THSD7A: variants seen among roughly 807,000 people sequenced by gnomAD.
THSD7A encodes the protein thrombospondin type 1 domain containing 7A, also known as thrombospondin type-1 domain-containing protein 7A.
THSD7A carries 96 observed loss-of-function variants against 231.3 expected under a neutral mutation model. The observed-to-expected ratio is 0.41, with a 90% CI of 0.35 to 0.49. The LOEUF (loss-of-function observed/expected upper bound fraction) is 0.49, where lower values mean the gene tolerates loss of function less well. THSD7A is among the 20% of genes least tolerant of loss of function. The pLI is 0.05. For synonymous variants in THSD7A, 940 were observed against 743.3 expected (o/e 1.26, Z -4.30); for missense variants, 2,290 against 2,070.2 (o/e 1.11, Z -2.06).
Position 11,822,857 on chromosome 7 carries a change from C to A in THSD7A, c.190+8900G>T, listed in dbSNP as rs548149801. On this transcript the variant is annotated intron_variant, in intron 1 of 27. Transcript: ENST00000423059. ...CTAGTATACTCTAGATATTAGTCTC[C>A]TGATGGATGAATAGTTAGCAAATAT... Among the ~76,000 whole-genome samples the A allele has an allele frequency of 4.6e-5, 7 of 151,982 alleles. No homozygotes were observed. The East Asian group carries it at 1.4e-3, about 29-fold the overall frequency.
rs1407937925 is a variant in THSD7A, at chr7:11,446,149, C to T, written c.2976G>A (p.Lys992=). The T allele has an allele frequency of 1.2e-6, 2 of 1,613,400 alleles. No individual in the cohort carries two copies. The highest frequency in any genetic ancestry group is 2.7e-5 in the African/African-American group (2 of 74,866). The change falls in exon 13 of 28, where the codon AAG becomes AAA. Residue 992 remains lysine, a synonymous_variant. Transcript: ENST00000423059. This position sits in a 1 kb window ranked among gnomAD's most constrained non-coding sequence, Gnocchi z 4.0. ...LLGMKVQGDI[K]ECGQGYRYQA... is the part of the protein sequence containing the mutation. ...GGTAACGATATCCTTGTCCGCATTC[C>T]TTGATGTCTCCTTGTACTTTCATTC...
At chr7:11,631,137 C>G (rs1781637599) in intron 2 of THSD7A, among the ~76,000 whole-genome samples, 1 of 152,176 alleles carries the variant, frequency 6.6e-6, no homozygotes, top group African/African-American at 2.4e-5. Context: ...TTGGGATAAT[C>G]CAATAAGAAG....
chr7:11,418,691 ATGCAGTGC>A (rs1784040561), intron 16 of THSD7A, among the ~76,000 whole-genome samples: 1 of 152,196 alleles, frequency 6.6e-6, no homozygotes, highest in South Asian at 2.1e-4. Context: ...TCACCTTGCT[ATGCAGTGC>A]TGCTGAACTT....
chr7:11,597,923 T>A (rs1376363857), intron 2 of THSD7A, among the ~76,000 whole-genome samples: 6 of 152,166 alleles, frequency 3.9e-5, no homozygotes, highest in Non-Finnish European at 7.3e-5. Flanking sequence ...CCTGTACCGA[T>A]GGCCTCATGG....
chr7:11,694,329 G>T (rs924384485), intron 1 of THSD7A, among the ~76,000 whole-genome samples: 2 of 151,526 alleles, frequency 1.3e-5, no homozygotes, highest in Non-Finnish European at 1.5e-5. Context: ...AGAAGCCACA[G>T]TTGGGCCTGC....
chr7:11,430,142 G>A (rs1018358419), intron 13 of THSD7A, among the ~76,000 whole-genome samples: 6 of 152,110 alleles, frequency 3.9e-5, no homozygotes, highest in Non-Finnish European at 7.4e-5. Flanking sequence ...GCAGAGATTC[G>A]ATTTTGACAA....
intron 13 of THSD7A, among the ~76,000 whole-genome samples, chr7:11,437,745 G>A (rs935846439): frequency 6.6e-6 from 1 of 151,892 alleles, no homozygotes; most frequent in Non-Finnish European, 1.5e-5. Flanking sequence ...ACTATGATAA[G>A]GAACAATTTC....
intron 1 of THSD7A, among the ~76,000 whole-genome samples, chr7:11,776,812 C>T (rs12056088): frequency 0.029 from 4,340 of 152,150 alleles, 79 homozygotes; most frequent in East Asian, 0.11. Flanking sequence ...AGTTTGAAGG[C>T]ATTCTATAGG....
At chr7:11,812,463 T>C (rs1371007400) in intron 1 of THSD7A, among the ~76,000 whole-genome samples, 1 of 152,108 alleles carries the variant, frequency 6.6e-6, no homozygotes, top group Non-Finnish European at 1.5e-5. Flanking sequence ...ATTGTTTAGA[T>C]AAAATACGTT....
chr7:11,564,100 G>C (rs7780750), intron 4 of THSD7A, among the ~76,000 whole-genome samples: 86,410 of 151,912 alleles, frequency 0.57, 24,842 homozygotes, highest in Middle Eastern at 0.67. Flanking sequence ...GTTTACAATC[G>C]AGTGAAAGAT....
chr7:11,526,668 G>T (rs1480639236), intron 6 of THSD7A, among the ~76,000 whole-genome samples: 1 of 152,128 alleles, frequency 6.6e-6, no homozygotes, highest in Non-Finnish European at 1.5e-5. Flanking sequence ...GATGAGAGCT[G>T]ATGGTTTTAA....
At chr7:11,601,354 T>C (rs1203240147) in intron 2 of THSD7A, among the ~76,000 whole-genome samples, 2 of 152,172 alleles carry the variant, frequency 1.3e-5, no homozygotes, top group Non-Finnish European at 2.9e-5. Flanking sequence ...GTTACTAGAT[T>C]ATATTGTTTA....
chr7:11,392,951 G>A (rs1222165769), intron 23 of THSD7A, among the ~76,000 whole-genome samples: 3 of 152,216 alleles, frequency 2.0e-5, no homozygotes, highest in African/African-American at 4.8e-5. Flanking sequence ...AGGGGCAGCT[G>A]TGGGTGCAGC....
intron 1 of THSD7A, among the ~76,000 whole-genome samples, chr7:11,802,557 T>G (rs530818646): frequency 6.6e-6 from 1 of 152,212 alleles, no homozygotes; most frequent in South Asian, 2.1e-4. Flanking sequence ...CAGAGAAGGA[T>G]AGAGAGACAG....
At chr7:11,673,012 A>T (rs1783464302) in intron 1 of THSD7A, among the ~76,000 whole-genome samples, 1 of 152,204 alleles carries the variant, frequency 6.6e-6, no homozygotes, top group Non-Finnish European at 1.5e-5. Context: ...CAGCTGGAGG[A>T]TGCCTCTTCC....
intron 11 of THSD7A, among the ~76,000 whole-genome samples, chr7:11,447,773 G>GT (rs1301833016): frequency 1.1e-4 from 17 of 152,116 alleles, no homozygotes; most frequent in Non-Finnish European, 2.4e-4. Context: ...CCATACGTGG[G>GT]TTCTGATAAT....
At chr7:11,481,662 A>T in intron 7 of THSD7A, 126 bp downstream of exon 7, 1 of 1,014,348 alleles carries the variant, frequency 9.9e-7, no homozygotes, top group Non-Finnish European at 1.4e-6. Flanking sequence ...AACAGATATT[A>T]AATCTTGGAT....
chr7:11,462,690 C>T (rs994549248), intron 9 of THSD7A, among the ~76,000 whole-genome samples: 5 of 152,204 alleles, frequency 3.3e-5, no homozygotes, highest in African/African-American at 1.2e-4. Flanking sequence ...CAATTCAGGT[C>T]ACATTCTAAA....
At chr7:11,747,473 A>C (rs1233815751) in intron 1 of THSD7A, among the ~76,000 whole-genome samples, 1 of 151,942 alleles carries the variant, frequency 6.6e-6, no homozygotes, top group Non-Finnish European at 1.5e-5. Context: ...TACTAATTAT[A>C]CTTGTTATTG....
Sources: allele counts gnomAD v4.1 joint callset (sites outside exome capture counted in the v4.1 genomes callset), GRCh38; gene constraint gnomAD v4.1.1; non-coding constraint Gnocchi (gnomAD v3.1); transcripts MANE v1.5; gene names NCBI Gene and HGNC (gene_info 2026-07-23, HGNC 2026-07-21).